Variants in TNFSF4 observed in about 807,000 individuals in gnomAD.
TNFSF4 encodes TNF superfamily member 4.
In TNFSF4, 4 loss-of-function variants were observed where a neutral mutation model predicts 7.3. That is an observed-to-expected ratio of 0.55 (90% CI 0.27 to 1.25). The LOEUF (loss-of-function observed/expected upper bound fraction) is 1.25. TNFSF4 is among the 50% of genes most tolerant of loss of function. The pLI, the probability that TNFSF4 is intolerant of heterozygous loss-of-function variation, is 0.12. For synonymous variants in TNFSF4, 76 were observed against 83.7 expected, an observed-to-expected ratio of 0.91 and a Z score of 0.50; for missense variants, 181 against 208.8, an observed-to-expected ratio of 0.87 and a Z score of 0.82.
the TNFSF4 span, among the ~76,000 whole-genome samples, chr1:173,245,817 C>T: frequency 8.5e-5 from 13 of 152,116 alleles, no homozygotes; most frequent in South Asian, 2.3e-3. Context: ...TTTTAGATTC[C>T]GCATATGAGT....
Position 173,207,105 on chromosome 1 carries a change from T to A in TNFSF4, c.72A>T (p.Leu24=). The change falls in exon 1 of 3, where the codon CTA becomes CTT. Residue 24 remains leucine, a synonymous_variant. Coordinates refer to ENST00000281834, the MANE Select transcript of TNFSF4 (RefSeq NM_003326.5). ...CCTGAATTACAGAGGCCACCAGCAA[T>A]AGCTTGTTCCTCTCGAATCTTGGCC... ...AARPRFERNK[L]LLVASVIQGL... is the part of the protein sequence containing the mutation. The A allele has an allele frequency of 6.2e-7, 1 of 1,613,800 alleles. No individual in the cohort carries two copies. The highest frequency in any genetic ancestry group is 8.5e-7 in the Non-Finnish European group (1 of 1,179,870).
At chr1:173,390,085 T>C in the TNFSF4 span, among the ~76,000 whole-genome samples, 3 of 152,282 alleles carry the variant, frequency 2.0e-5, no homozygotes, top group South Asian at 6.2e-4. Flanking sequence ...TTTACATATA[T>C]GGTAATTTCT....
chr1:173,379,901 C>T, the TNFSF4 span, among the ~76,000 whole-genome samples: 1 of 152,196 alleles, frequency 6.6e-6, no homozygotes, highest in African/African-American at 2.4e-5. Context: ...ATGCACTGCC[C>T]CAGACTGCAA....
the TNFSF4 span, among the ~76,000 whole-genome samples, chr1:173,432,147 T>C: frequency 6.6e-6 from 1 of 152,078 alleles, no homozygotes; most frequent in Non-Finnish European, 1.5e-5. Flanking sequence ...CCTAGTAATA[T>C]GCTATAAACA....
the TNFSF4 span, among the ~76,000 whole-genome samples, chr1:173,377,714 A>C: frequency 6.6e-6 from 1 of 152,218 alleles, no homozygotes; most frequent in South Asian, 2.1e-4. Context: ...ACCTGGGCTC[A>C]CTAACCAGAA....
the TNFSF4 span, among the ~76,000 whole-genome samples, chr1:173,351,011 T>C: frequency 6.6e-6 from 1 of 152,122 alleles, no homozygotes; most frequent in Non-Finnish European, 1.5e-5. Flanking sequence ...CAGCAGCCCA[T>C]AGGAAAAGTA....
At chr1:173,302,072 T>C in the TNFSF4 span, among the ~76,000 whole-genome samples, 1 of 151,872 alleles carries the variant, frequency 6.6e-6, no homozygotes, top group Non-Finnish European at 1.5e-5. Flanking sequence ...CCTTTAATAG[T>C]CTGGAAGCCT....
the TNFSF4 span, among the ~76,000 whole-genome samples, chr1:173,294,429 AC>A: frequency 6.6e-6 from 1 of 151,992 alleles, no homozygotes; most frequent in Non-Finnish European, 1.5e-5. Context: ...AGATATAGGA[AC>A]AATAGACACT....
the TNFSF4 span, among the ~76,000 whole-genome samples, chr1:173,232,158 T>C: frequency 1.3e-5 from 2 of 152,194 alleles, no homozygotes; most frequent in Admixed American, 1.3e-4. Flanking sequence ...CAGTGGTTTG[T>C]AGTTCTCCTA....
the TNFSF4 span, among the ~76,000 whole-genome samples, chr1:173,369,192 A>T: frequency 6.6e-6 from 1 of 152,168 alleles, no homozygotes; most frequent in African/African-American, 2.4e-5. Flanking sequence ...CACCCTGGAG[A>T]TCCCTTCCCT....
chr1:173,378,883 CCCA>C, the TNFSF4 span, among the ~76,000 whole-genome samples: 92 of 139,202 alleles, frequency 6.6e-4, no homozygotes, highest in East Asian at 3.4e-3. Flanking sequence ...CCCCTCCCCC[CCCA>C]CCACAGGCTA....
At position 173,189,593 on chromosome 1, in the gene TNFSF4, G is replaced by A. The variant is rs555037321; in HGVS notation, c.154-1024C>T. 2.0e-5 allele frequency among the ~76,000 whole-genome samples: 3 copies of A among 152,148 alleles called. No homozygotes were observed. The East Asian group carries it at 5.8e-4, about 29-fold the overall frequency. On this transcript the variant is annotated intron_variant, in intron 1 of 2. Transcript: ENST00000281834. ...ATAAAACTTTTACAGTACTTTTGTG[G>A]TTAAAAGAACAAATAAGCTCAATAT...
the TNFSF4 span, among the ~76,000 whole-genome samples, chr1:173,321,477 T>C: frequency 6.6e-6 from 1 of 151,890 alleles, no homozygotes; most frequent in Non-Finnish European, 1.5e-5. Flanking sequence ...AATTGACAAA[T>C]GGGATCTAAT....
chr1:173,215,192 G>A, the TNFSF4 span, among the ~76,000 whole-genome samples: 1 of 152,094 alleles, frequency 6.6e-6, no homozygotes, highest in Non-Finnish European at 1.5e-5. Flanking sequence ...GTGGCCGTCT[G>A]CAAGCCAAGA....
At chr1:173,398,814 C>T in the TNFSF4 span, among the ~76,000 whole-genome samples, 103 of 152,148 alleles carry the variant, frequency 6.8e-4, no homozygotes, top group African/African-American at 2.2e-3. Flanking sequence ...TGCATCTGGC[C>T]CCTCATACAA....
chr1:173,385,055 A>G, the TNFSF4 span, among the ~76,000 whole-genome samples: 1 of 152,344 alleles, frequency 6.6e-6, no homozygotes. Context: ...GTAAATCTGC[A>G]TTTGCTGGGA....
chr1:173,251,855 T>C, the TNFSF4 span, among the ~76,000 whole-genome samples: 1 of 152,324 alleles, frequency 6.6e-6, no homozygotes, highest in African/African-American at 2.4e-5. Context: ...GGCCCCTGTG[T>C]CAATTGCCAT....
the TNFSF4 span, among the ~76,000 whole-genome samples, chr1:173,331,077 G>T: frequency 2.0e-5 from 3 of 151,878 alleles, no homozygotes; most frequent in African/African-American, 7.3e-5. Flanking sequence ...TGGAGACGGG[G>T]TTTCACCATG....
chr1:173,354,824 A>T, the TNFSF4 span, among the ~76,000 whole-genome samples: 1 of 152,250 alleles, frequency 6.6e-6, no homozygotes. Flanking sequence ...TCTATCTTTT[A>T]TTCTGAGAAC....
Sources: allele counts gnomAD v4.1 joint callset (sites outside exome capture counted in the v4.1 genomes callset), GRCh38; gene constraint gnomAD v4.1.1; transcripts MANE v1.5; gene names NCBI Gene and HGNC (gene_info 2026-07-23, HGNC 2026-07-21).